Variants in SLC13A1 observed in about 807,000 individuals in gnomAD.
SLC13A1 encodes the protein solute carrier family 13 member 1.
SLC13A1 carries 65 observed loss-of-function variants against 70.0 expected under a neutral mutation model. The observed-to-expected ratio is 0.93, with a 90% CI of 0.76 to 1.14. SLC13A1 has a LOEUF of 1.14. Among genes scored for constraint, SLC13A1 ranks in the 50% most tolerant of loss-of-function variants. The pLI, the probability that SLC13A1 is intolerant of heterozygous loss-of-function variation, is 0.00. For synonymous variants in SLC13A1, 275 were observed against 250.5 expected (o/e 1.10, Z -0.92); for missense variants, 726 against 717.8 (o/e 1.01, Z -0.13).
Position 123,123,176 on chromosome 7 carries a change from C to A in SLC13A1, c.1300G>T (p.Asp434Tyr). 6.2e-7 allele frequency: 1 copy of A among 1,613,618 alleles called. No individual in the cohort carries two copies. The highest frequency in any genetic ancestry group is 1.1e-5 in the South Asian group (1 of 91,070). Residue 434 changes from aspartate to tyrosine, a missense_variant, in exon 12 of 15, where the codon GAT becomes TAT. Transcript: ENST00000194130. The stretch of plus-strand genomic sequence containing the variant: ...CCTCCACCAACAAGAATGGCTATAT[C>A]CCAGGGCATGAATGACTGGAATTCT... The part of the protein sequence containing the change: ...WKEFQSFMPW[D>Y]IAILVGGGFA...
intron 10 of SLC13A1, among the ~76,000 whole-genome samples, chr7:123,126,190 A>C (rs950997260): frequency 2.0e-5 from 3 of 152,206 alleles, no homozygotes; most frequent in African/African-American, 7.2e-5. Context: ...GAGATATCAC[A>C]CCTGCTTCTG....
intron 2 of SLC13A1, among the ~76,000 whole-genome samples, chr7:123,177,242 A>G (rs770614840): frequency 6.6e-6 from 1 of 152,034 alleles, no homozygotes; most frequent in Non-Finnish European, 1.5e-5. Context: ...CATATGCCAT[A>G]TCTAATCAAT....
chr7:123,146,859 A>G (rs1429347508), intron 7 of SLC13A1, among the ~76,000 whole-genome samples: 1 of 71,478 alleles, frequency 1.4e-5, no homozygotes, highest in Admixed American at 1.3e-4. Flanking sequence ...TTAGTTAACT[A>G]CCATTTGTGG....
intron 9 of SLC13A1, among the ~76,000 whole-genome samples, 158 bp downstream of exon 9, chr7:123,129,225 T>C (rs1012906250): frequency 2.6e-5 from 4 of 152,052 alleles, no homozygotes; most frequent in East Asian, 1.9e-4. Context: ...CTTAGCAAAT[T>C]TGGGGCCCTA....
At chr7:123,148,964 A>G (rs974765571) in intron 6 of SLC13A1, among the ~76,000 whole-genome samples, 1 of 152,182 alleles carries the variant, frequency 6.6e-6, no homozygotes, top group Admixed American at 6.5e-5. Context: ...AGTACTTTCC[A>G]GGCATGGTGA....
At chr7:123,182,660 G>C (rs1289502358) in intron 1 of SLC13A1, among the ~76,000 whole-genome samples, 3 of 152,074 alleles carry the variant, frequency 2.0e-5, no homozygotes, top group Non-Finnish European at 4.4e-5. Flanking sequence ...GTGCTAGCTG[G>C]TTCTGTTCAC....
intron 6 of SLC13A1, among the ~76,000 whole-genome samples, chr7:123,155,910 C>A (rs1347827899): frequency 6.6e-6 from 1 of 152,030 alleles, no homozygotes. Context: ...TTGTGACACC[C>A]TCCCCCAGCC....
intron 8 of SLC13A1, among the ~76,000 whole-genome samples, chr7:123,131,778 A>T (rs2116326910): frequency 6.6e-6 from 1 of 152,308 alleles, no homozygotes. Context: ...GTGGACACCA[A>T]GGGAACTGTT....
chr7:123,135,944 G>T (rs76422966), intron 7 of SLC13A1, among the ~76,000 whole-genome samples: 1 of 152,250 alleles, frequency 6.6e-6, no homozygotes, highest in Admixed American at 6.5e-5. Flanking sequence ...CATCCATGAG[G>T]CTCTATTGAA....
At chr7:123,133,347 C>T (rs1188170554) in intron 8 of SLC13A1, among the ~76,000 whole-genome samples, 2 of 151,946 alleles carry the variant, frequency 1.3e-5, no homozygotes, top group African/African-American at 4.8e-5. Context: ...GCAGGAAGCC[C>T]TATAGGTCAC....
intron 6 of SLC13A1, among the ~76,000 whole-genome samples, chr7:123,167,918 G>A (rs2116537847): frequency 6.6e-6 from 1 of 151,974 alleles, no homozygotes; most frequent in Non-Finnish European, 1.5e-5. Flanking sequence ...ATAAGAGAAG[G>A]ATGAAAAAAA....
At chr7:123,154,563 T>A (rs947913669) in intron 6 of SLC13A1, among the ~76,000 whole-genome samples, 2 of 152,146 alleles carry the variant, frequency 1.3e-5, no homozygotes, top group Non-Finnish European at 2.9e-5. Flanking sequence ...AGACTTCACA[T>A]TTTCAATATG....
intron 6 of SLC13A1, among the ~76,000 whole-genome samples, chr7:123,150,663 A>G (rs1794523552): frequency 1.3e-5 from 2 of 152,078 alleles, no homozygotes; most frequent in African/African-American, 2.4e-5. Flanking sequence ...TAATCCCCTC[A>G]GTGCTAAGTT....
At chr7:123,116,060 T>C (rs1303176045) in intron 14 of SLC13A1, among the ~76,000 whole-genome samples, 1 of 152,148 alleles carries the variant, frequency 6.6e-6, no homozygotes, top group African/African-American at 2.4e-5. Flanking sequence ...GAATTTCAGT[T>C]TTGTGGTTTT....
At chr7:123,180,929 T>C in intron 2 of SLC13A1, 44 bp downstream of exon 2, 1 of 1,576,018 alleles carries the variant, frequency 6.3e-7, no homozygotes, top group South Asian at 1.1e-5. Flanking sequence ...GAAATCTCAA[T>C]ACAAAACAGG....
At chr7:123,151,259 G>A (rs917593547) in intron 6 of SLC13A1, among the ~76,000 whole-genome samples, 2 of 151,964 alleles carry the variant, frequency 1.3e-5, no homozygotes, top group African/African-American at 2.4e-5. Flanking sequence ...GGGAGGCAGA[G>A]GTTGCAGTGA....
At chr7:123,119,051 G>C (rs1368072038) in intron 13 of SLC13A1, 30 bp downstream of exon 13, 2 of 1,586,652 alleles carry the variant, frequency 1.3e-6, no homozygotes, top group Non-Finnish European at 1.7e-6. Flanking sequence ...TCTTAATGAA[G>C]AGTAAAAAGG....
chr7:123,136,727 A>G (rs1793960460), intron 7 of SLC13A1, among the ~76,000 whole-genome samples: 1 of 152,196 alleles, frequency 6.6e-6, no homozygotes, highest in Non-Finnish European at 1.5e-5. Context: ...AAACAGGTAA[A>G]CATATAACAA....
chr7:123,195,085 C>T (rs1458197038), intron 1 of SLC13A1, among the ~76,000 whole-genome samples: 2 of 152,150 alleles, frequency 1.3e-5, no homozygotes, highest in Non-Finnish European at 2.9e-5. Context: ...ATTTAAACTT[C>T]TGCTTATATC....
Sources: gnomAD v4.1 joint callset for allele counts (sites outside exome capture counted in the v4.1 genomes callset) on GRCh38, gnomAD v4.1.1 for gene constraint, MANE v1.5 for transcripts, NCBI Gene and HGNC (gene_info 2026-07-23, HGNC 2026-07-21) for gene names.